ADGRL3: variants seen among roughly 807,000 people sequenced by gnomAD.
ADGRL3 encodes adhesion G protein-coupled receptor L3, also known as calcium-independent alpha-latrotoxin receptor 3.
ADGRL3 carries 62 observed loss-of-function variants against 153.5 expected under a neutral mutation model. The observed-to-expected ratio is 0.40, with a 90% CI of 0.33 to 0.50. The LOEUF (loss-of-function observed/expected upper bound fraction) is 0.50. Ranked by LOEUF, ADGRL3 falls within the 20% of genes least tolerant of loss-of-function variation. The pLI, the probability that ADGRL3 is intolerant of heterozygous loss-of-function variation, is 0.47. For synonymous variants in ADGRL3, 710 were observed against 672.5 expected, an observed-to-expected ratio of 1.06 and a Z score of -0.86; for missense variants, 1,641 against 1,859.4, an observed-to-expected ratio of 0.88 and a Z score of 2.16.
At chr4:61,999,825 C>A (rs1206070899) in intron 21 of ADGRL3, among the ~76,000 whole-genome samples, 1 of 151,906 alleles carries the variant, frequency 6.6e-6, no homozygotes, top group Non-Finnish European at 1.5e-5. Flanking sequence ...AAAAAGATAA[C>A]CAAGGAATTA....
Position 61,901,934 on chromosome 4 carries a change from A to G in ADGRL3, c.1887+6100A>G, listed in dbSNP as rs1239761070. ...GCTTATTTCTGAGAAAAATTTTAGTAGAATTTAGTAAAAGAAGTTAGTGAG... is the reference window on the plus strand; with the variant it reads ...GCTTATTTCTGAGAAAAATTTTAGTGGAATTTAGTAAAAGAAGTTAGTGAG... On this transcript the variant is annotated intron_variant, in intron 11 of 26. Transcript: ENST00000683033. Among the ~76,000 whole-genome samples the G allele has an allele frequency of 2.6e-5, 4 of 152,198 alleles. No individual in the cohort carries two copies. In the East Asian group the frequency reaches 5.8e-4, roughly 22 times the overall value.
Position 62,077,382 on chromosome 4 carries a change from T to C in ADGRL3, c.*6474T>C, listed in dbSNP as rs1025980144. On this transcript the variant is annotated 3_prime_UTR_variant, in exon 27 of 27. Coordinates refer to ENST00000683033, the MANE Select transcript of ADGRL3 (RefSeq NM_001387552.1). ...CAATGATCCAAGACTACAAAATTTC[T>C]TGCTACATTGGCAAGGAAATATGTT... The C allele has an allele frequency of 6.6e-6, 1 of 151,964 alleles. No individual in the cohort carries two copies. The highest frequency in any genetic ancestry group is 1.5e-5 in the Non-Finnish European group (1 of 67,868). 9.4% of individuals were successfully genotyped at this position (151,964 alleles called of 1,614,324 possible).
intron 9 of ADGRL3, among the ~76,000 whole-genome samples, chr4:61,873,883 G>A (rs1358714117): frequency 6.6e-6 from 1 of 151,896 alleles, no homozygotes; most frequent in Non-Finnish European, 1.5e-5. Context: ...ATCCTACAAT[G>A]CAAAGAACAA....
At chr4:61,702,692 A>G (rs2095789526) in intron 6 of ADGRL3, among the ~76,000 whole-genome samples, 1 of 152,248 alleles carries the variant, frequency 6.6e-6, no homozygotes, top group Middle Eastern at 3.4e-3. Flanking sequence ...CATTATTCAA[A>G]ATTAACTTAC....
intron 13 of ADGRL3, among the ~76,000 whole-genome samples, chr4:61,913,882 C>G (rs1285522809): frequency 2.0e-5 from 3 of 152,118 alleles, no homozygotes; most frequent in Non-Finnish European, 4.4e-5. Flanking sequence ...ATGGAAATAT[C>G]TCTGTGTGCC....
At chr4:61,515,020 A>C (rs962243545) in intron 3 of ADGRL3, among the ~76,000 whole-genome samples, 1 of 152,128 alleles carries the variant, frequency 6.6e-6, no homozygotes, top group Admixed American at 6.5e-5. Flanking sequence ...AGAGATCCCT[A>C]TTCCCACGTC....
At chr4:61,923,350 C>T (rs1157154908) in intron 13 of ADGRL3, among the ~76,000 whole-genome samples, 1 of 150,280 alleles carries the variant, frequency 6.7e-6, no homozygotes, top group Non-Finnish European at 1.5e-5. Flanking sequence ...TCTGTTAATC[C>T]ATTCCACCTA....
At position 61,456,669 on chromosome 4, in the gene ADGRL3, G is replaced by A. The variant is rs528585353; in HGVS notation, c.-173-40452G>A. 5.3e-5 allele frequency among the ~76,000 whole-genome samples: 8 copies of A among 151,356 alleles called. No homozygotes were observed. The South Asian group carries it at 1.7e-3, about 31-fold the overall frequency. On this transcript the variant is annotated intron_variant, in intron 2 of 26. Coordinates refer to ENST00000683033, the MANE Select transcript of ADGRL3 (RefSeq NM_001387552.1). Reference sequence around the variant, plus strand: ...TGATATGTGGCTCGGATAAAACCATGGGCGACCATTTTTTATTCTAGAACA... The same window carrying A: ...TGATATGTGGCTCGGATAAAACCATAGGCGACCATTTTTTATTCTAGAACA...
intron 5 of ADGRL3, among the ~76,000 whole-genome samples, chr4:61,646,074 C>G (rs571450842): frequency 6.6e-6 from 1 of 152,190 alleles, no homozygotes; most frequent in Admixed American, 6.5e-5. Flanking sequence ...CAGTTGATGG[C>G]ATCGGCTCCT....
At chr4:61,945,900 G>T (rs1488024935) in intron 15 of ADGRL3, among the ~76,000 whole-genome samples, 1 of 152,096 alleles carries the variant, frequency 6.6e-6, no homozygotes, top group Admixed American at 6.6e-5. Context: ...CGTCTTCTGC[G>T]TCGCTCACGC....
intron 9 of ADGRL3, among the ~76,000 whole-genome samples, chr4:61,864,242 A>G (rs2098378850): frequency 6.6e-6 from 1 of 152,192 alleles, no homozygotes; most frequent in South Asian, 2.1e-4. Flanking sequence ...TGATTGCCAT[A>G]TATTAGTTCT....
At chr4:61,483,901 G>A (rs1269582116) in intron 2 of ADGRL3, among the ~76,000 whole-genome samples, 2 of 150,444 alleles carry the variant, frequency 1.3e-5, no homozygotes, top group Non-Finnish European at 3.0e-5. Context: ...TAATAACTAA[G>A]TATAGTGTGT....
In ADGRL3 at chr4:61,725,627, A is replaced by C. The variant is rs192497189; in HGVS notation, c.584-4995A>C. 4.7e-3 allele frequency among the ~76,000 whole-genome samples: 720 copies of C among 152,020 alleles called. 3 individuals carry two copies. The highest frequency in any genetic ancestry group is 0.013 in the South Asian group (63 of 4,814). ...AAAAACCAAAAAAAAACAAAAAAAA[A>C]CAAAAGTCTACTCAGTTTTGTATGC... is the stretch of plus-strand genomic sequence containing the variant. On this transcript the variant is annotated intron_variant, in intron 6 of 26. Transcript: ENST00000683033.
intron 5 of ADGRL3, among the ~76,000 whole-genome samples, chr4:61,606,131 A>G (rs1245696958): frequency 2.0e-5 from 3 of 152,154 alleles, no homozygotes; most frequent in African/African-American, 7.2e-5. Context: ...GTACATAAAA[A>G]AAAAGGGGTC....
chr4:61,698,638 T>A (rs2095688590), intron 6 of ADGRL3, among the ~76,000 whole-genome samples: 1 of 152,130 alleles, frequency 6.6e-6, no homozygotes, highest in Non-Finnish European at 1.5e-5. Context: ...TGAAATAAAT[T>A]GTTTACAAAA....
At chr4:62,030,488 T>C (rs1400305045) in intron 22 of ADGRL3, among the ~76,000 whole-genome samples, 2 of 151,742 alleles carry the variant, frequency 1.3e-5, no homozygotes, top group East Asian at 3.9e-4. Context: ...ATGAGTCCCA[T>C]CTGTTGCAAG....
At chr4:61,243,577 C>G (rs987319213) in intron 1 of ADGRL3, among the ~76,000 whole-genome samples, 13 of 151,930 alleles carry the variant, frequency 8.6e-5, no homozygotes, top group Admixed American at 7.9e-4. Context: ...TAAAGAGAAA[C>G]TTGCCTAAAT....
At chr4:61,385,966 G>T (rs1267927738) in intron 2 of ADGRL3, among the ~76,000 whole-genome samples, 1 of 152,106 alleles carries the variant, frequency 6.6e-6, no homozygotes, top group African/African-American at 2.4e-5. Flanking sequence ...GGAATGCAGA[G>T]GTTAGCTCTG....
intron 9 of ADGRL3, among the ~76,000 whole-genome samples, chr4:61,840,206 T>C (rs868354477): frequency 6.6e-6 from 1 of 151,910 alleles, no homozygotes; most frequent in Non-Finnish European, 1.5e-5. Flanking sequence ...CTGCCTCCCA[T>C]GTAGCTGGGA....
Sources: allele counts gnomAD v4.1 joint callset (sites outside exome capture counted in the v4.1 genomes callset), GRCh38; gene constraint gnomAD v4.1.1; transcripts MANE v1.5; gene names NCBI Gene and HGNC (gene_info 2026-07-23, HGNC 2026-07-21).